The following ZSWIM6 variants were observed in gnomAD, a reference collection of about 807,000 sequenced individuals.
The protein encoded by ZSWIM6 is zinc finger SWIM-type containing 6.
A neutral mutation model predicts 113.2 loss-of-function variants in ZSWIM6; 9 were observed. The ratio of observed to expected loss-of-function variants is 0.08; its 90% CI spans 0.05 to 0.14. The LOEUF (loss-of-function observed/expected upper bound fraction) is 0.14. Among genes scored for constraint, ZSWIM6 ranks in the 10% least tolerant of loss-of-function variants. The probability of loss-of-function intolerance (pLI) is 1.00; values close to 1 mark genes in which losing one functional copy is unlikely to be tolerated. For missense variants in ZSWIM6, 1,162 were observed against 1,552.2 expected, an observed-to-expected ratio of 0.75 and a Z score of 4.22; for synonymous variants, 611 against 606.5, an observed-to-expected ratio of 1.01 and a Z score of -0.11.
At chr5:61,542,024 C>T in intron 13 of ZSWIM6, 59 bp downstream of exon 13, 1 of 1,414,110 alleles carries the variant, frequency 7.1e-7, no homozygotes, top group Non-Finnish European at 9.8e-7. Context: ...TTTAACTTGT[C>T]AGTTACAGAC....
intron 4 of ZSWIM6, among the ~76,000 whole-genome samples, chr5:61,503,098 A>G (rs1748517542): frequency 6.6e-6 from 1 of 152,204 alleles, no homozygotes; most frequent in African/African-American, 2.4e-5. Context: ...GGCTGCTTGC[A>G]AGCTTGTCTG....
intron 1 of ZSWIM6, among the ~76,000 whole-genome samples, chr5:61,437,601 G>C (rs964750844): frequency 1.3e-5 from 2 of 151,270 alleles, no homozygotes; most frequent in Non-Finnish European, 2.9e-5. Flanking sequence ...CGTGTGCCTT[G>C]GTCCCAGCTG....
chr5:61,399,185 A>G (rs1745898720), intron 1 of ZSWIM6, among the ~76,000 whole-genome samples: 1 of 149,674 alleles, frequency 6.7e-6, no homozygotes. Flanking sequence ...TCAGCCTCCC[A>G]AAGGGCTGGG....
At chr5:61,513,761 G>A (rs1266619263) in intron 4 of ZSWIM6, among the ~76,000 whole-genome samples, 1 of 151,956 alleles carries the variant, frequency 6.6e-6, no homozygotes, top group Non-Finnish European at 1.5e-5. Flanking sequence ...TTTGAACCTT[G>A]AATTGACTAT....
At chr5:61,528,639 G>A (rs1749349360) in intron 7 of ZSWIM6, among the ~76,000 whole-genome samples, 1 of 151,048 alleles carries the variant, frequency 6.6e-6, no homozygotes, top group African/African-American at 2.4e-5. Context: ...CCAGGCTGGA[G>A]TGCAGTGGCG....
intron 1 of ZSWIM6, among the ~76,000 whole-genome samples, chr5:61,386,657 G>A (rs1326224518): frequency 6.6e-6 from 1 of 152,110 alleles, no homozygotes; most frequent in Non-Finnish European, 1.5e-5. Flanking sequence ...TTAGGGCTTT[G>A]ACAAAGTGAA....
chr5:61,440,660 G>T (rs1746807818), intron 1 of ZSWIM6, among the ~76,000 whole-genome samples: 1 of 152,196 alleles, frequency 6.6e-6, no homozygotes, highest in Admixed American at 6.5e-5. Context: ...TGAATTTACA[G>T]GGTGCTTGGA....
intron 12 of ZSWIM6, among the ~76,000 whole-genome samples, chr5:61,541,562 GT>G (rs79992353): frequency 0.066 from 10,003 of 152,300 alleles, 603 homozygotes; most frequent in South Asian, 0.18. Context: ...CATGGGCTGT[GT>G]TTAATGCTCC....
intron 1 of ZSWIM6, among the ~76,000 whole-genome samples, chr5:61,450,817 A>C (rs1457792861): frequency 6.6e-6 from 1 of 152,206 alleles, no homozygotes; most frequent in African/African-American, 2.4e-5. Flanking sequence ...TGGAGAAATA[A>C]ATAAGTGAGT....
chr5:61,473,523 C>T (rs946724141), intron 2 of ZSWIM6, among the ~76,000 whole-genome samples: 3 of 152,066 alleles, frequency 2.0e-5, no homozygotes, highest in Non-Finnish European at 2.9e-5. Context: ...TAAGAAAATA[C>T]AAAAAGTTTT....
At chr5:61,413,069 T>C (rs1746177387) in intron 1 of ZSWIM6, among the ~76,000 whole-genome samples, 2 of 151,820 alleles carry the variant, frequency 1.3e-5, no homozygotes, top group South Asian at 2.1e-4. Flanking sequence ...ATGTGCACAA[T>C]GTGCAGGTTA....
intron 1 of ZSWIM6, among the ~76,000 whole-genome samples, chr5:61,363,784 G>A (rs1283693027): frequency 2.0e-5 from 3 of 151,958 alleles, no homozygotes; most frequent in African/African-American, 7.3e-5. Context: ...TAACTTTAGA[G>A]GCCAAGAGTT....
At chr5:61,390,431 A>G (rs1745682937) in intron 1 of ZSWIM6, among the ~76,000 whole-genome samples, 1 of 152,174 alleles carries the variant, frequency 6.6e-6, no homozygotes, top group African/African-American at 2.4e-5. Flanking sequence ...TGAATCTATG[A>G]CAGAAATATT....
intron 11 of ZSWIM6, 132 bp downstream of exon 11, chr5:61,539,103 A>G: frequency 9.3e-7 from 1 of 1,074,362 alleles, no homozygotes; most frequent in Non-Finnish European, 1.2e-6. Context: ...TTTTCTTTAG[A>G]TGTTAGCTTT....
At chr5:61,386,873 C>A (rs1347794002) in intron 1 of ZSWIM6, among the ~76,000 whole-genome samples, 1 of 152,198 alleles carries the variant, frequency 6.6e-6, no homozygotes, top group Non-Finnish European at 1.5e-5. Flanking sequence ...GAGAACATTA[C>A]TAGCTCTCAT....
chr5:61,469,833 G>A (rs13166934), intron 1 of ZSWIM6, among the ~76,000 whole-genome samples: 57,099 of 151,792 alleles, frequency 0.38, 10,883 homozygotes, highest in South Asian at 0.43. Context: ...TCAGCTCCCC[G>A]AGTAGCTGGG....
intron 1 of ZSWIM6, among the ~76,000 whole-genome samples, chr5:61,363,576 C>T (rs138987650): frequency 3.9e-5 from 6 of 152,078 alleles, no homozygotes; most frequent in Non-Finnish European, 5.9e-5. Flanking sequence ...TATCATATTA[C>T]GGAAACTTAT....
intron 3 of ZSWIM6, among the ~76,000 whole-genome samples, chr5:61,492,742 C>A (rs1196838812): frequency 1.3e-5 from 2 of 152,084 alleles, no homozygotes; most frequent in Non-Finnish European, 2.9e-5. Flanking sequence ...GGTAGAAGTG[C>A]TTTTGAGTTC....
At chr5:61,364,589 A>C (rs1745112849) in intron 1 of ZSWIM6, among the ~76,000 whole-genome samples, 1 of 152,188 alleles carries the variant, frequency 6.6e-6, no homozygotes, top group South Asian at 2.1e-4. Flanking sequence ...AAGATACCAT[A>C]AACTGGATGG....
Sources: allele counts gnomAD v4.1 joint callset (sites outside exome capture counted in the v4.1 genomes callset), GRCh38; gene constraint gnomAD v4.1.1; transcripts MANE v1.5; gene names NCBI Gene and HGNC (gene_info 2026-07-23, HGNC 2026-07-21).